The following WFS1 variants were observed in gnomAD, a reference collection of about 807,000 sequenced individuals.
WFS1 encodes the protein wolframin.
In WFS1, 90 loss-of-function variants were observed where a neutral mutation model predicts 68.5. That is an observed-to-expected ratio of 1.31 (90% CI 1.11 to 1.56). The LOEUF is 1.56. Ranked by LOEUF, WFS1 falls within the 40% of genes most tolerant of loss-of-function variation. The probability of loss-of-function intolerance (pLI) is 0.00; values close to 1 mark genes in which losing one functional copy is unlikely to be tolerated. For missense variants in WFS1, 1,767 were observed against 1,232.6 expected (o/e 1.43, Z -6.49); for synonymous variants, 860 against 540.7 (o/e 1.59, Z -8.19).
chr4:6,284,186 A>G (rs1283139665), intron 2 of WFS1, among the ~76,000 whole-genome samples: 1 of 152,112 alleles, frequency 6.6e-6, no homozygotes, highest in Non-Finnish European at 1.5e-5. Context: ...CCTGGCCAAC[A>G]TGGTGAAACC....
intron 1 of WFS1, 77 bp from the exon 2 acceptor site, chr4:6,277,374 T>C: frequency 7.1e-7 from 1 of 1,408,508 alleles, no homozygotes; most frequent in African/African-American, 1.4e-5. Context: ...CCTCTGCTTT[T>C]CTGTCTCCAG....
chr4:6,300,567 C>T (rs1455946722), intron 7 of WFS1, 90 bp from the exon 8 acceptor site: 6 of 1,584,568 alleles, frequency 3.8e-6, no homozygotes, highest in African/African-American at 1.3e-5. Flanking sequence ...GTTCCTTTTG[C>T]CCAGAGGCAG....
chr4:6,272,929 A>G (rs1578581908), intron 1 of WFS1, among the ~76,000 whole-genome samples: 1 of 152,330 alleles, frequency 6.6e-6, no homozygotes. Flanking sequence ...GGAGGGGTGT[A>G]GGCTTTATAG....
chr4:6,301,158 A>C lies in WFS1; in HGVS notation c.1363A>C (p.Thr455Pro), dbSNP rs1315815731. ...CCTGAGCACCCATGCAGAGCCCTACACGCGCAGGGCCCTGGCCACCGAGGT... is the reference window on the plus strand; with the variant it reads ...CCTGAGCACCCATGCAGAGCCCTACCCGCGCAGGGCCCTGGCCACCGAGGT... ...LSLSTHAEPY[T>P]RRALATEVTA... The change falls in exon 8 of 8, where the codon ACG becomes CCG. Residue 455 changes from threonine to proline, a missense_variant. By Grantham distance (38) the Thr-to-Pro change is conservative. Transcript: ENST00000226760. The C allele has an allele frequency of 6.2e-7, 1 of 1,612,516 alleles. No individual in the cohort carries two copies. The highest frequency in any genetic ancestry group is 8.5e-7 in the Non-Finnish European group (1 of 1,179,898).
At position 6,301,815 on chromosome 4, in the gene WFS1, G is replaced by C. The variant is rs200672755; in HGVS notation, c.2020G>C (p.Gly674Arg). 3.1e-6 allele frequency: 5 copies of C among 1,613,160 alleles called. No homozygotes were observed. In the South Asian group the frequency reaches 3.3e-5, roughly 11 times the overall value. ...CTGGCAGCAGTATGGTGCGCTGTGC[G>C]GGCCACGCGCCTGGAAGGAGACCAA... ...LTWQQYGALC[G>R]PRAWKETNMA... is the part of the protein sequence containing the mutation. Residue 674 changes from glycine to arginine, a missense_variant, in exon 8 of 8, where the codon GGG becomes CGG. Coordinates refer to ENST00000226760, the MANE Select transcript of WFS1 (RefSeq NM_006005.3).
chr4:6,278,721 C>T (rs1233288172), intron 2 of WFS1, among the ~76,000 whole-genome samples: 1 of 152,216 alleles, frequency 6.6e-6, no homozygotes, highest in Admixed American at 6.5e-5. Flanking sequence ...TTATGCTGGG[C>T]GTGCCCTTGG....
At chr4:6,270,525 G>A (rs1729804434) in intron 1 of WFS1, among the ~76,000 whole-genome samples, 1 of 152,142 alleles carries the variant, frequency 6.6e-6, no homozygotes, top group Non-Finnish European at 1.5e-5. Context: ...GGGCAGCTTA[G>A]GGGTCATTCT....
chr4:6,290,997 G>T (rs1188269483), intron 4 of WFS1, among the ~76,000 whole-genome samples, 200 bp from the exon 5 acceptor site: 1 of 152,044 alleles, frequency 6.6e-6, no homozygotes, highest in African/African-American at 2.4e-5. Flanking sequence ...TGGGAGACCA[G>T]TCTGGCCTCC....
chr4:6,302,573 T>A lies in WFS1; in HGVS notation c.*105T>A. ...CACCAGTGCCGCCTGTGCCCACGTG[T>A]GCAGACTGTGGCTGCAGAGACCTTG... On this transcript the variant is annotated 3_prime_UTR_variant, in exon 8 of 8. Transcript: ENST00000226760. The A allele has an allele frequency of 6.6e-7, 1 of 1,524,028 alleles. No homozygotes were observed. Among genetic ancestry groups the A allele is most frequent in the Non-Finnish European group, 8.9e-7 (1 of 1,126,842 alleles). 94.4% of individuals were successfully genotyped at this position (1,524,028 alleles called of 1,614,324 possible).
At chr4:6,278,665 G>A (rs1424874403) in intron 2 of WFS1, among the ~76,000 whole-genome samples, 2 of 152,196 alleles carry the variant, frequency 1.3e-5, no homozygotes, top group Non-Finnish European at 2.9e-5. Context: ...AGGGCCGTGG[G>A]GCCTCCCTGC....
At chr4:6,286,707 G>A (rs1368340619) in intron 2 of WFS1, among the ~76,000 whole-genome samples, 6 of 152,204 alleles carry the variant, frequency 3.9e-5, no homozygotes, top group Non-Finnish European at 8.8e-5. Flanking sequence ...GTATTATTTA[G>A]GTCATGGGCT....
At chr4:6,286,329 A>G (rs535239517) in intron 2 of WFS1, among the ~76,000 whole-genome samples, 35 of 152,284 alleles carry the variant, frequency 2.3e-4, no homozygotes, top group Non-Finnish European at 3.8e-4. Context: ...TAGTGCCCCT[A>G]TAAAAGAAAC....
At chr4:6,273,419 A>G (rs1351547192) in intron 1 of WFS1, among the ~76,000 whole-genome samples, 1 of 152,196 alleles carries the variant, frequency 6.6e-6, no homozygotes, top group Non-Finnish European at 1.5e-5. Flanking sequence ...GTTGGGGCTG[A>G]GTGCCCCACC....
intron 2 of WFS1, among the ~76,000 whole-genome samples, chr4:6,285,604 C>T (rs1312170556): frequency 1.3e-5 from 2 of 152,232 alleles, no homozygotes; most frequent in South Asian, 4.1e-4. Context: ...CAGCCTCCCT[C>T]TGCCCTCTCC....
chr4:6,282,906 A>G (rs10001190), intron 2 of WFS1, among the ~76,000 whole-genome samples: 106,335 of 152,178 alleles, frequency 0.7, 37,867 homozygotes, highest in East Asian at 1. Context: ...TGCAGGCCCT[A>G]TTTGCAGTGG....
At position 6,301,495 on chromosome 4, in the gene WFS1, T is replaced by C; in HGVS notation, c.1700T>C (p.Leu567Pro). 1.2e-6 allele frequency: 2 copies of C among 1,613,340 alleles called. No individual in the cohort carries two copies. The highest frequency in any genetic ancestry group is 1.3e-5 in the African/African-American group (1 of 75,052). Reference protein sequence around the residue: ...LRASIGYFLFLFALPILVAGL... With the variant: ...LRASIGYFLFPFALPILVAGL... ...GCCTCCATCGGCTACTTCCTCTTCCTCTTTGCCCTCCCCATCCTGGTGGCC... is the reference window on the plus strand; with the variant it reads ...GCCTCCATCGGCTACTTCCTCTTCCCCTTTGCCCTCCCCATCCTGGTGGCC... Residue 567 changes from leucine (L) to proline (P), a missense_variant, in exon 8 of 8, where the codon CTC (leucine) becomes CCC (proline). Physicochemically the swap from Leu to Pro is moderately conservative, Grantham distance 98 (BLOSUM62 -3). Transcript: ENST00000226760.
chr4:6,282,175 C>T (rs1210511490), intron 2 of WFS1, among the ~76,000 whole-genome samples: 2 of 152,236 alleles, frequency 1.3e-5, no homozygotes, highest in African/African-American at 2.4e-5. Context: ...CAGAGTTCAG[C>T]CAGCATAGAA....
chr4:6,302,109 C>T lies in WFS1; in HGVS notation c.2314C>T (p.Arg772Cys), dbSNP rs149540655. 344 of 1,612,820 alleles carry T rather than the reference C, an allele frequency of 2.1e-4. No individual in the cohort carries two copies. Among genetic ancestry groups the T allele is most frequent in the African/African-American group, 4.0e-4 (30 of 74,934 alleles). The change falls in exon 8 of 8, where the codon CGC becomes TGC. Residue 772 changes from arginine to cysteine, a missense_variant. Arg to Cys is a radical substitution (Grantham distance 180, BLOSUM62 -3). Transcript: ENST00000226760. ...CCCCTGCCACATCAAGAAGTTCGAC[C>T]GCTACAAGTTTGAGATTACCGTGGG... ...KHPCHIKKFD[R>C]YKFEITVGMP... is the part of the protein sequence containing the mutation.
rs1048794447 is a variant in WFS1, at chr4:6,293,409, C to T, written c.712+1412C>T. Among the ~76,000 whole-genome samples the T allele has an allele frequency of 3.3e-5, 5 of 152,200 alleles. 1 individual carries two copies. Among genetic ancestry groups the T allele is most frequent in the Non-Finnish European group, 5.9e-5 (4 of 68,026 alleles). ...CAGGCATCATCTGTTTCTCTGCCAGCTTTTCCAACAGAACTCCCAGAAAGG... is the reference window on the plus strand; with the variant it reads ...CAGGCATCATCTGTTTCTCTGCCAGTTTTTCCAACAGAACTCCCAGAAAGG... On this transcript the variant is annotated intron_variant, in intron 6 of 7. Coordinates refer to ENST00000226760, the MANE Select transcript of WFS1 (RefSeq NM_006005.3).
Sources: gnomAD v4.1 joint callset for allele counts (sites outside exome capture counted in the v4.1 genomes callset) on GRCh38, gnomAD v4.1.1 for gene constraint, MANE v1.5 for transcripts, NCBI Gene and HGNC (gene_info 2026-07-23, HGNC 2026-07-21) for gene names.